PHLPP2: variants seen among roughly 807,000 people sequenced by gnomAD.
PHLPP2 encodes PH domain leucine-rich repeat-containing protein phosphatase 2.
PHLPP2 carries 66 observed loss-of-function variants against 124.9 expected under a neutral mutation model. The observed-to-expected ratio is 0.53, with a 90% CI of 0.43 to 0.65. The LOEUF (loss-of-function observed/expected upper bound fraction) is 0.65, where lower values mean the gene tolerates loss of function less well. Ranked by LOEUF, PHLPP2 falls within the 30% of genes least tolerant of loss-of-function variation. The probability of loss-of-function intolerance (pLI) is 0.00; values close to 1 mark genes in which losing one functional copy is unlikely to be tolerated. For missense variants in PHLPP2, 1,685 were observed against 1,600.4 expected, an observed-to-expected ratio of 1.05 and a Z score of -0.90; for synonymous variants, 681 against 624.7, an observed-to-expected ratio of 1.09 and a Z score of -1.34.
rs1029452455 is a variant in PHLPP2, at chr16:71,648,015, C to T, written c.*875G>A. The T allele has an allele frequency of 6.5e-6, 1 of 152,768 alleles. No individual in the cohort carries two copies. The highest frequency in any genetic ancestry group is 2.1e-4 in the South Asian group (1 of 4,826). 9.5% of individuals were successfully genotyped at this position (152,768 alleles called of 1,614,324 possible). A position where few individuals can be genotyped will look rare whatever the true frequency, so the allele number is the denominator to read the frequency against. Reference sequence around the variant, plus strand: ...AAAAGTTCACAGTCAATGAAAAGTGCTCTCATTACATTACATACATAAATT... The same window carrying T: ...AAAAGTTCACAGTCAATGAAAAGTGTTCTCATTACATTACATACATAAATT... On this transcript the variant is annotated 3_prime_UTR_variant, in exon 19 of 19. Coordinates refer to ENST00000568954, the MANE Select transcript of PHLPP2 (RefSeq NM_015020.3).
chr16:71,701,688 G>A (rs2045234452), intron 3 of PHLPP2, among the ~76,000 whole-genome samples: 1 of 152,162 alleles, frequency 6.6e-6, no homozygotes, highest in Non-Finnish European at 1.5e-5. Flanking sequence ...AATATACACA[G>A]TAGCCCCCCT....
chr16:71,653,092 A>C, intron 17 of PHLPP2, 71 bp from the exon 18 acceptor site: 1 of 789,174 alleles, frequency 1.3e-6, no homozygotes. Flanking sequence ...CTGCACGTAC[A>C]TCCCTTCTTT....
intron 9 of PHLPP2, among the ~76,000 whole-genome samples, chr16:71,673,667 T>A (rs1439120611): frequency 6.6e-6 from 1 of 152,174 alleles, no homozygotes; most frequent in Non-Finnish European, 1.5e-5. Context: ...AAATATTTCA[T>A]TTATCTGTAC....
At chr16:71,686,593 C>T (rs2045057348) in intron 4 of PHLPP2, among the ~76,000 whole-genome samples, 1 of 152,056 alleles carries the variant, frequency 6.6e-6, no homozygotes, top group Non-Finnish European at 1.5e-5. Flanking sequence ...TACAGTCAGC[C>T]CCCTCCCCAC....
chr16:71,652,609 G>A (rs1245412293), intron 18 of PHLPP2, among the ~76,000 whole-genome samples, 181 bp downstream of exon 18: 1 of 152,168 alleles, frequency 6.6e-6, no homozygotes, highest in Non-Finnish European at 1.5e-5. Context: ...CTTTGTGCTA[G>A]TCACTAACTG....
intron 4 of PHLPP2, among the ~76,000 whole-genome samples, chr16:71,685,940 T>C (rs970952669): frequency 1.3e-5 from 2 of 152,218 alleles, no homozygotes; most frequent in Non-Finnish European, 2.9e-5. Flanking sequence ...CATTTTGTAA[T>C]GAGTCTCTTT....
At chr16:71,668,367 G>C (rs956206229) in intron 11 of PHLPP2, among the ~76,000 whole-genome samples, 1 of 127,078 alleles carries the variant, frequency 7.9e-6, no homozygotes, top group Non-Finnish European at 1.6e-5. Flanking sequence ...AGTGAGCCGA[G>C]ATCGCGCCAC....
chr16:71,716,059 C>G (rs1204386713), intron 1 of PHLPP2, among the ~76,000 whole-genome samples: 2 of 151,478 alleles, frequency 1.3e-5, no homozygotes, highest in African/African-American at 4.8e-5. Context: ...TAAACTTCAT[C>G]TAATCCTTAA....
At chr16:71,656,394 T>G (rs1488918421) in intron 16 of PHLPP2, among the ~76,000 whole-genome samples, 177 bp downstream of exon 16, 3 of 152,226 alleles carry the variant, frequency 2.0e-5, no homozygotes, top group African/African-American at 7.2e-5. Context: ...ACATTAGTAT[T>G]GTTTTTGTCT....
rs2044658668 is a variant in PHLPP2 at position 71,647,063 on chromosome 16, T to C, written c.*1827A>G. 6.6e-6 allele frequency: 1 copy of C among 152,502 alleles called. No homozygotes were observed. Among genetic ancestry groups the C allele is most frequent in the Admixed American group, 6.6e-5 (1 of 15,264 alleles). 9.4% of individuals were successfully genotyped at this position (152,502 alleles called of 1,614,324 possible). On this transcript the variant is annotated 3_prime_UTR_variant, in exon 19 of 19. Coordinates refer to ENST00000568954, the MANE Select transcript of PHLPP2 (RefSeq NM_015020.3). ...ATCTTCCCAAAAATACACACGAAAA[T>C]ATATTTATATTTAACCCTCTCTTTA...
intron 15 of PHLPP2, among the ~76,000 whole-genome samples, chr16:71,656,908 C>T (rs1263354922): frequency 6.6e-6 from 1 of 151,790 alleles, no homozygotes; most frequent in Non-Finnish European, 1.5e-5. Context: ...TGCCACCATG[C>T]CCGGCTAATT....
At chr16:71,673,559 T>C (rs2044914044) in intron 9 of PHLPP2, among the ~76,000 whole-genome samples, 1 of 152,210 alleles carries the variant, frequency 6.6e-6, no homozygotes, top group Admixed American at 6.5e-5. Context: ...AAGGATTTTG[T>C]AAACGGAGTA....
chr16:71,720,365 G>A (rs1055044520), intron 1 of PHLPP2, among the ~76,000 whole-genome samples: 8 of 151,890 alleles, frequency 5.3e-5, no homozygotes, highest in South Asian at 2.1e-4. Context: ...TGATCCACCC[G>A]CCTCGGCCTC....
chr16:71,663,533 G>A (rs2044812238), intron 13 of PHLPP2, among the ~76,000 whole-genome samples: 2 of 152,326 alleles, frequency 1.3e-5, no homozygotes, highest in East Asian at 3.9e-4. Flanking sequence ...CATATAGTAA[G>A]CATTCCATTT....
intron 6 of PHLPP2, among the ~76,000 whole-genome samples, chr16:71,680,040 G>A (rs7191593): frequency 0.49 from 74,611 of 151,184 alleles, 18,705 homozygotes; most frequent in Middle Eastern, 0.65. Flanking sequence ...CCGACATTGC[G>A]CCACTGCACT....
intron 2 of PHLPP2, among the ~76,000 whole-genome samples, chr16:71,707,397 AC>A (rs2045283913): frequency 6.6e-6 from 1 of 151,718 alleles, no homozygotes; most frequent in Non-Finnish European, 1.5e-5. Flanking sequence ...CCCTTGGATC[AC>A]CCCCCAGTTT....
chr16:71,676,926 T>G, intron 8 of PHLPP2: 1 of 374,112 alleles, frequency 2.7e-6, no homozygotes, highest in Non-Finnish European at 5.0e-6. Flanking sequence ...TTTTTGTATT[T>G]TTAGTAGAGC....
At chr16:71,685,812 G>C (rs1490035518) in intron 4 of PHLPP2, among the ~76,000 whole-genome samples, 2 of 152,166 alleles carry the variant, frequency 1.3e-5, no homozygotes, top group African/African-American at 4.8e-5. Context: ...CTCACTGTAA[G>C]TTAATTTGTC....
At chr16:71,664,931 A>G (rs1185899781) in intron 12 of PHLPP2, among the ~76,000 whole-genome samples, 1 of 152,212 alleles carries the variant, frequency 6.6e-6, no homozygotes, top group Non-Finnish European at 1.5e-5. Flanking sequence ...GTACATTCCT[A>G]AAAACAGAAT....
Sources: gnomAD v4.1 joint callset for allele counts (sites outside exome capture counted in the v4.1 genomes callset) on GRCh38, gnomAD v4.1.1 for gene constraint, MANE v1.5 for transcripts, NCBI Gene and HGNC (gene_info 2026-07-23, HGNC 2026-07-21) for gene names.